OSBP2: variants seen among roughly 807,000 people sequenced by gnomAD.
OSBP2 encodes the protein oxysterol binding protein 2.
OSBP2 carries 66 observed loss-of-function variants against 96.0 expected under a neutral mutation model. The observed-to-expected ratio is 0.69, with a 90% CI of 0.56 to 0.84. OSBP2 has a LOEUF of 0.84. Ranked by LOEUF, OSBP2 falls within the 40% of genes least tolerant of loss-of-function variation. The pLI, the probability that OSBP2 is intolerant of heterozygous loss-of-function variation, is 0.00. For synonymous variants in OSBP2, 525 were observed against 520.9 expected, an observed-to-expected ratio of 1.01 and a Z score of -0.11; for missense variants, 1,038 against 1,222.7, an observed-to-expected ratio of 0.85 and a Z score of 2.25.
intron 2 of OSBP2, among the ~76,000 whole-genome samples, chr22:30,823,354 C>T (rs1443531389): frequency 1.3e-5 from 2 of 152,206 alleles, no homozygotes; most frequent in African/African-American, 4.8e-5. Flanking sequence ...ATGCTTGAAA[C>T]CTTCTTTATT....
chr22:30,893,119 C>T lies in OSBP2; in HGVS notation c.1870-3C>T, dbSNP rs757355848. On this transcript the variant is annotated splice_polypyrimidine_tract_variant and splice_region_variant and intron_variant, in intron 8 of 13. Coordinates refer to ENST00000332585, the MANE Select transcript of OSBP2 (RefSeq NM_030758.4). ...TGCTCACATCCTATGGGTCTGGTCT[C>T]AGGTGAGCCACCACCCCCCCTCAGC... 1 of 1,613,878 alleles carries T rather than the reference C, an allele frequency of 6.2e-7. No homozygotes were observed. Among genetic ancestry groups the T allele is most frequent in the Non-Finnish European group, 8.5e-7 (1 of 1,179,954 alleles).
chr22:30,815,991 G>A (rs1198111540), intron 2 of OSBP2, among the ~76,000 whole-genome samples: 7 of 152,178 alleles, frequency 4.6e-5, no homozygotes, highest in Non-Finnish European at 7.3e-5. Flanking sequence ...GTTAAGGGCT[G>A]CAGCAGCATC....
At chr22:30,905,770 G>C in intron 12 of OSBP2, 67 bp from the exon 13 acceptor site, 1 of 1,587,434 alleles carries the variant, frequency 6.3e-7, no homozygotes, top group Non-Finnish European at 8.5e-7. Context: ...AGGCAGGGGA[G>C]GGCGGCCGGG....
At chr22:30,857,267 T>C (rs2039098378) in intron 2 of OSBP2, among the ~76,000 whole-genome samples, 1 of 152,158 alleles carries the variant, frequency 6.6e-6, no homozygotes, top group African/African-American at 2.4e-5. Context: ...CTAGTGCTTG[T>C]GTTAGCAGCT....
intron 2 of OSBP2, among the ~76,000 whole-genome samples, chr22:30,783,180 G>A (rs1021078204): frequency 2.0e-5 from 3 of 150,558 alleles, no homozygotes; most frequent in East Asian, 3.9e-4. Flanking sequence ...TTGGTATCTC[G>A]GGGAATTTAG....
At chr22:30,842,476 A>T (rs772722324) in intron 2 of OSBP2, among the ~76,000 whole-genome samples, 1 of 152,098 alleles carries the variant, frequency 6.6e-6, no homozygotes, top group Non-Finnish European at 1.5e-5. Flanking sequence ...ACAACACTGA[A>T]GTTTGCCACA....
At chr22:30,752,944 G>A (rs1374904169) in intron 2 of OSBP2, among the ~76,000 whole-genome samples, 1 of 152,166 alleles carries the variant, frequency 6.6e-6, no homozygotes, top group Non-Finnish European at 1.5e-5. Context: ...AGGCAGCTGT[G>A]CCTGAATTCC....
Position 30,890,065 on chromosome 22 carries a change from G to T in OSBP2, c.1623+429G>T, listed in dbSNP as rs1822124267. 6.6e-6 allele frequency among the ~76,000 whole-genome samples: 1 copy of T among 152,174 alleles called. No individual in the cohort carries two copies. Among genetic ancestry groups the T allele is most frequent in the Non-Finnish European group, 1.5e-5 (1 of 68,032 alleles). On this transcript the variant is annotated intron_variant, in intron 7 of 13. Coordinates refer to ENST00000332585, the MANE Select transcript of OSBP2 (RefSeq NM_030758.4). This position sits in a 1 kb window ranked among gnomAD's most constrained non-coding sequence, Gnocchi z 4.4. ...CAGAGCTTGGATCCTCATGCCACCTGGCTACAGTGGCATCTCCACTAGGCC... is the reference window on the plus strand; with the variant it reads ...CAGAGCTTGGATCCTCATGCCACCTTGCTACAGTGGCATCTCCACTAGGCC...
intron 2 of OSBP2, among the ~76,000 whole-genome samples, chr22:30,849,669 TC>T: frequency 6.6e-6 from 1 of 152,316 alleles, no homozygotes; most frequent in African/African-American, 2.4e-5. Context: ...GAAAAACTTC[TC>T]CTGTGGTTTA....
chr22:30,906,226 T>C lies in OSBP2; in HGVS notation c.2638T>C (p.Trp880Arg). Reference protein sequence around the residue: ...EKEADAYTPLWFEKRLDPLTG... With the variant: ...EKEADAYTPLRFEKRLDPLTG... ...GGAGGCGGATGCCTACACGCCACTG[T>C]GGTTTGAGAAGAGGCTGGATCCGCT... is the stretch of plus-strand genomic sequence containing the variant. The change falls in exon 14 of 14, where the codon TGG (tryptophan) becomes CGG (arginine). Residue 880 changes from tryptophan to arginine, a missense_variant. Trp to Arg is a moderately radical substitution (Grantham distance 101). Around this residue, in one of 3 missense-constraint regions of OSBP2, gnomAD observed 737 missense variants for 913.3 expected, o/e 0.81. Coordinates refer to ENST00000332585, the MANE Select transcript of OSBP2 (RefSeq NM_030758.4). 1 of 1,614,128 alleles carries C rather than the reference T, an allele frequency of 6.2e-7. No homozygotes were observed. The highest frequency in any genetic ancestry group is 8.5e-7 in the Non-Finnish European group (1 of 1,180,000).
chr22:30,901,017 AAGAATACAG>A (rs1006469944), intron 12 of OSBP2, among the ~76,000 whole-genome samples: 2 of 152,262 alleles, frequency 1.3e-5, no homozygotes, highest in African/African-American at 4.8e-5. Context: ...GATTATTATC[AAGAATACAG>A]AGTATTTTAT....
At chr22:30,752,235 G>C (rs998321793) in intron 2 of OSBP2, among the ~76,000 whole-genome samples, 20 of 149,064 alleles carry the variant, frequency 1.3e-4, no homozygotes, top group African/African-American at 3.2e-4. Context: ...TGCCTAAAAT[G>C]AGCTGAAGGA....
chr22:30,892,207 CAG>C lies in OSBP2; in HGVS notation c.1870-910_1870-909del, dbSNP rs747011401. ...GTTAGAGGAGGAGCATGAGGAGGGC[CAG>C]AGAGGCTGCAGAGCGTTTGGTGTGA... On this transcript the variant is annotated intron_variant, in intron 8 of 13. Transcript: ENST00000332585. Among the ~76,000 whole-genome samples, 13 of 152,090 alleles carry C rather than the reference CAG, an allele frequency of 8.5e-5. No homozygotes were observed. In the East Asian group the frequency reaches 1.2e-3, roughly 14 times the overall value.
chr22:30,804,683 A>T (rs1275620327), intron 2 of OSBP2, among the ~76,000 whole-genome samples: 4 of 152,218 alleles, frequency 2.6e-5, no homozygotes, highest in African/African-American at 7.2e-5. Flanking sequence ...CGCATCTGAC[A>T]TATACTTGAT....
At chr22:30,883,956 G>A (rs2147140300) in intron 3 of OSBP2, among the ~76,000 whole-genome samples, 1 of 152,284 alleles carries the variant, frequency 6.6e-6, no homozygotes, top group Middle Eastern at 3.4e-3. Context: ...GGCCGCTGTA[G>A]GACTCCAGGT....
At chr22:30,844,066 A>G (rs985392676) in intron 2 of OSBP2, among the ~76,000 whole-genome samples, 1 of 151,836 alleles carries the variant, frequency 6.6e-6, no homozygotes. Context: ...GTAGACACAG[A>G]GTTTTACTGT....
At chr22:30,739,051 T>C (rs2089896917) in intron 1 of OSBP2, among the ~76,000 whole-genome samples, 1 of 152,202 alleles carries the variant, frequency 6.6e-6, no homozygotes, top group South Asian at 2.1e-4. Context: ...ACACCCTTCA[T>C]GGGAAAAGAT....
chr22:30,751,842 T>C (rs897110832), intron 2 of OSBP2, among the ~76,000 whole-genome samples: 3 of 152,206 alleles, frequency 2.0e-5, no homozygotes, highest in African/African-American at 7.2e-5. Flanking sequence ...CAACAACATG[T>C]GTCGACCCAA....
intron 2 of OSBP2, among the ~76,000 whole-genome samples, chr22:30,797,596 T>A (rs1008129450): frequency 1.7e-4 from 25 of 150,938 alleles, no homozygotes; most frequent in Non-Finnish European, 1.8e-4. Flanking sequence ...TTATTTTTAT[T>A]TAACTAATTT....
Sources: allele counts gnomAD v4.1 joint callset (sites outside exome capture counted in the v4.1 genomes callset), GRCh38; gene constraint gnomAD v4.1.1; regional missense constraint gnomAD v4.1.1; non-coding constraint Gnocchi (gnomAD v3.1); transcripts MANE v1.5; gene names NCBI Gene and HGNC (gene_info 2026-07-23, HGNC 2026-07-21).